Variants in RORB observed in about 807,000 individuals in gnomAD.
The protein encoded by RORB is RAR related orphan receptor B, also known as nuclear receptor ROR-beta.
Under a neutral mutation model 59.1 loss-of-function variants are expected in RORB, and 6 were observed. That is an observed-to-expected ratio of 0.10 (90% CI 0.06 to 0.20). RORB has a LOEUF of 0.20. RORB is among the 10% of genes least tolerant of loss of function. The pLI is 1.00. For synonymous variants in RORB, 215 were observed against 204.5 expected (o/e 1.05, Z -0.44); for missense variants, 320 against 560.5 (o/e 0.57, Z 4.33).
chr9:74,675,783 A>G (rs2118557739), intron 9 of RORB, among the ~76,000 whole-genome samples: 1 of 152,304 alleles, frequency 6.6e-6, no homozygotes, highest in East Asian at 1.9e-4. Context: ...GGATGCTGCC[A>G]TGACTCACTT....
intron 1 of RORB, among the ~76,000 whole-genome samples, chr9:74,535,214 A>C (rs760254418): frequency 2.6e-5 from 4 of 151,992 alleles, no homozygotes; most frequent in Admixed American, 6.6e-5. Flanking sequence ...AAAGAAACAG[A>C]TTGTTCTATT....
At chr9:74,625,469 C>G (rs1161473078) in intron 1 of RORB, among the ~76,000 whole-genome samples, 1 of 152,114 alleles carries the variant, frequency 6.6e-6, no homozygotes, top group East Asian at 1.9e-4. Flanking sequence ...TAAAAATTAG[C>G]CAGGCATGGT....
At chr9:74,503,743 C>T (rs980673064) in intron 1 of RORB, among the ~76,000 whole-genome samples, 3 of 151,900 alleles carry the variant, frequency 2.0e-5, no homozygotes, top group Non-Finnish European at 4.4e-5. Context: ...TCCTTTGTAG[C>T]GCAAGACAAA....
At chr9:74,639,974 C>T (rs2118452749) in intron 3 of RORB, among the ~76,000 whole-genome samples, 2 of 152,264 alleles carry the variant, frequency 1.3e-5, no homozygotes, top group South Asian at 4.1e-4. Context: ...GGAAATGTCA[C>T]TGCAATTAGT....
intron 9 of RORB, among the ~76,000 whole-genome samples, chr9:74,683,263 T>C (rs1257418068): frequency 6.6e-6 from 1 of 152,186 alleles, no homozygotes; most frequent in Non-Finnish European, 1.5e-5. Context: ...CAAGAACTGT[T>C]CCTAAATTGT....
chr9:74,501,783 A>G lies in RORB; in HGVS notation c.7+3800A>G, dbSNP rs184170249. Among the ~76,000 whole-genome samples the G allele has an allele frequency of 9.8e-5, 15 of 152,334 alleles. 1 individual carries two copies. Among genetic ancestry groups the G allele is most frequent in the Admixed American group, 8.5e-4 (13 of 15,292 alleles). On this transcript the variant is annotated intron_variant, in intron 1 of 9. Transcript: ENST00000376896. ...ATACTGGACTTCTGGGATAGGTATTAGTACCACCAAGGCTTTTACTTTTCT... is the reference window on the plus strand; with the variant it reads ...ATACTGGACTTCTGGGATAGGTATTGGTACCACCAAGGCTTTTACTTTTCT...
intron 1 of RORB, among the ~76,000 whole-genome samples, chr9:74,508,900 G>GCT (rs71977081): frequency 4.1e-3 from 615 of 148,550 alleles, no homozygotes; most frequent in Middle Eastern, 0.021. Context: ...ATTAATCTAT[G>GCT]CTCTCTCTCT....
intron 8 of RORB, among the ~76,000 whole-genome samples, chr9:74,669,479 CAAAA>C (rs35519349): frequency 3.9e-5 from 4 of 103,442 alleles, no homozygotes; most frequent in Non-Finnish European, 6.5e-5. Flanking sequence ...AACTCTGTCT[CAAAA>C]AAAAAAAAAA....
chr9:74,498,166 G>T, intron 1 of RORB, 183 bp downstream of exon 1: 1 of 702,326 alleles, frequency 1.4e-6, no homozygotes, highest in South Asian at 1.7e-5. Context: ...GGAAGGTGTT[G>T]ATGTCTTTCG....
At chr9:74,681,749 C>T (rs1824550814) in intron 9 of RORB, among the ~76,000 whole-genome samples, 1 of 152,098 alleles carries the variant, frequency 6.6e-6, no homozygotes, top group Non-Finnish European at 1.5e-5. Flanking sequence ...TTCAGTCACC[C>T]TCTTATACAT....
intron 6 of RORB, among the ~76,000 whole-genome samples, chr9:74,665,073 T>C (rs1467790065): frequency 6.6e-6 from 1 of 152,176 alleles, no homozygotes; most frequent in African/African-American, 2.4e-5. Context: ...TTTCCTCAAT[T>C]GTGAATTCAG....
At chr9:74,685,384 C>A in intron 9 of RORB, 79 bp from the exon 10 acceptor site, 2 of 1,184,774 alleles carry the variant, frequency 1.7e-6, no homozygotes, top group Non-Finnish European at 2.3e-6. Flanking sequence ...CATCTGGGGC[C>A]AGAAAGGACA....
intron 1 of RORB, 53 bp downstream of exon 1, chr9:74,498,036 G>A (rs1226002673): frequency 1.9e-6 from 3 of 1,596,630 alleles, no homozygotes; most frequent in African/African-American, 1.3e-5. Flanking sequence ...ACTCCAGCCA[G>A]ACGGGGAGAT....
intron 3 of RORB, among the ~76,000 whole-genome samples, chr9:74,640,433 C>CTGTGTGTGTG (rs71368671): frequency 2.0e-5 from 3 of 148,434 alleles, no homozygotes; most frequent in East Asian, 2.0e-4. Context: ...TCGGCTAATT[C>CTGTGTGTGTG]TGTGTGTGTG....
chr9:74,658,316 C>G (rs1052473437), intron 4 of RORB, among the ~76,000 whole-genome samples: 3 of 152,126 alleles, frequency 2.0e-5, no homozygotes, highest in African/African-American at 7.2e-5. Flanking sequence ...AAACTTTCAC[C>G]AGGCATGACC....
intron 4 of RORB, among the ~76,000 whole-genome samples, chr9:74,653,264 T>G (rs908779437): frequency 1.3e-5 from 2 of 152,206 alleles, no homozygotes; most frequent in African/African-American, 4.8e-5. Context: ...AAAACATGCC[T>G]TGGGCAAGTC....
chr9:74,591,943 T>TGA (rs1307501580), intron 1 of RORB, among the ~76,000 whole-genome samples: 66 of 150,970 alleles, frequency 4.4e-4, no homozygotes, highest in Middle Eastern at 3.4e-3. Flanking sequence ...TGTGTGAGAG[T>TGA]GAGAGAGAGA....
chr9:74,570,054 A>G (rs575035867), intron 1 of RORB, among the ~76,000 whole-genome samples: 79 of 152,198 alleles, frequency 5.2e-4, no homozygotes, highest in Non-Finnish European at 9.3e-4. Context: ...AAAATTGCCA[A>G]TCTTATAATA....
At chr9:74,597,090 C>A (rs1822980246) in intron 1 of RORB, among the ~76,000 whole-genome samples, 1 of 152,302 alleles carries the variant, frequency 6.6e-6, no homozygotes, top group Non-Finnish European at 1.5e-5. Flanking sequence ...CTAGCTCAGT[C>A]GGTCTGAAAT....
Sources: gnomAD v4.1 joint callset for allele counts (sites outside exome capture counted in the v4.1 genomes callset) on GRCh38, gnomAD v4.1.1 for gene constraint, MANE v1.5 for transcripts, NCBI Gene and HGNC (gene_info 2026-07-23, HGNC 2026-07-21) for gene names.